PLCE1: variants seen among roughly 807,000 people sequenced by gnomAD.
The protein encoded by PLCE1 is 1-phosphatidylinositol 4,5-bisphosphate phosphodiesterase epsilon-1.
In PLCE1, 119 loss-of-function variants were observed where a neutral mutation model predicts 242.8. The observed-to-expected ratio is 0.49, with a 90% CI of 0.42 to 0.57. The LOEUF is 0.57. PLCE1 is among the 20% of genes least tolerant of loss of function. PLCE1 has a pLI of 0.00. For synonymous variants in PLCE1, 945 were observed against 1,017.4 expected (o/e 0.93, Z 1.35); for missense variants, 2,441 against 2,788.8 (o/e 0.88, Z 2.81).
In PLCE1 at chr10:94,205,523, T is replaced by C. The variant is rs141500237; in HGVS notation, c.1810-21783T>C. On this transcript the variant is annotated intron_variant, in intron 4 of 32. Transcript: ENST00000371380. ...TTAGACATTGCTCTACAAATATTCA[T>C]TGAATGACTAAATAAATAGAACATG... is the stretch of plus-strand genomic sequence containing the variant. Among the ~76,000 whole-genome samples, 637 of 152,308 alleles carry C rather than the reference T, an allele frequency of 4.2e-3. 9 individuals are homozygous for C. The highest frequency in any genetic ancestry group is 0.015 in the African/African-American group (609 of 41,548).
chr10:94,164,374 A>G (rs184936285), intron 3 of PLCE1, among the ~76,000 whole-genome samples: 1 of 152,038 alleles, frequency 6.6e-6, no homozygotes, highest in East Asian at 1.9e-4. Context: ...TTTCTCTGAA[A>G]TTCTCTTCTC....
chr10:94,034,576 C>T (rs984067538), intron 2 of PLCE1, among the ~76,000 whole-genome samples: 6 of 152,256 alleles, frequency 3.9e-5, no homozygotes, highest in Non-Finnish European at 7.4e-5. Flanking sequence ...TTTAAAAGAA[C>T]GGAAGAATTC....
intron 8 of PLCE1, among the ~76,000 whole-genome samples, chr10:94,251,615 C>T (rs771840663): frequency 1.3e-5 from 2 of 152,004 alleles, no homozygotes; most frequent in Non-Finnish European, 2.9e-5. Context: ...TTAATAGATC[C>T]CTGCTGTTAC....
intron 5 of PLCE1, among the ~76,000 whole-genome samples, chr10:94,233,478 T>A (rs2050211605): frequency 6.6e-6 from 1 of 152,212 alleles, no homozygotes; most frequent in Non-Finnish European, 1.5e-5. Context: ...TGGCCATAGC[T>A]GCCAGAAAAA....
At position 94,328,687 on chromosome 10, in the gene PLCE1, A is replaced by G. The variant is rs562070157; in HGVS notation, c.*744A>G. 4 of 152,370 alleles carry G rather than the reference A, an allele frequency of 2.6e-5. No homozygotes were observed. Among genetic ancestry groups the G allele is most frequent in the African/African-American group, 7.2e-5 (3 of 41,590 alleles). 9.4% of individuals were successfully genotyped at this position (152,370 alleles called of 1,614,324 possible). A position where few individuals can be genotyped will look rare whatever the true frequency, so the allele number is the denominator to read the frequency against. On this transcript the variant is annotated 3_prime_UTR_variant, in exon 33 of 33. Coordinates refer to ENST00000371380, the MANE Select transcript of PLCE1 (RefSeq NM_016341.4). ...TTCAAGTGTAAATATGTCCTATAAC[A>G]TAAGAGTCATTAAAATTCAATTTAG...
chr10:94,042,662 C>A (rs1009276299), intron 2 of PLCE1, among the ~76,000 whole-genome samples: 2 of 152,092 alleles, frequency 1.3e-5, no homozygotes, highest in African/African-American at 4.8e-5. Context: ...GGGAACAATA[C>A]CAATTCTTAA....
chr10:94,326,361 CAT>C (rs1299761148), intron 32 of PLCE1, among the ~76,000 whole-genome samples: 1 of 152,204 alleles, frequency 6.6e-6, no homozygotes, highest in Non-Finnish European at 1.5e-5. Flanking sequence ...ACATTGAGAT[CAT>C]GTTTCCACAT....
chr10:94,102,062 C>T (rs1166685405), intron 2 of PLCE1, among the ~76,000 whole-genome samples: 5 of 152,136 alleles, frequency 3.3e-5, no homozygotes, highest in African/African-American at 1.2e-4. Flanking sequence ...GGTTTTTTCT[C>T]CTTGGCATTA....
At chr10:94,264,264 A>T (rs768369694) in intron 14 of PLCE1, among the ~76,000 whole-genome samples, 4 of 152,078 alleles carry the variant, frequency 2.6e-5, no homozygotes, top group Non-Finnish European at 5.9e-5. Flanking sequence ...CTCGGGAAAG[A>T]GCATTCCCCA....
At chr10:94,024,196 C>A (rs557819782) in intron 1 of PLCE1, among the ~76,000 whole-genome samples, 1 of 152,194 alleles carries the variant, frequency 6.6e-6, no homozygotes, top group South Asian at 2.1e-4. Context: ...GCTGAGTGGG[C>A]CTTGGGGAAG....
At chr10:94,299,940 A>T (rs755375290) in intron 24 of PLCE1, among the ~76,000 whole-genome samples, 1 of 152,282 alleles carries the variant, frequency 6.6e-6, no homozygotes, top group Non-Finnish European at 1.5e-5. Context: ...TTATGAAAAC[A>T]GTATGATTTG....
chr10:94,249,285 A>G (rs1240169958), intron 8 of PLCE1, among the ~76,000 whole-genome samples: 1 of 152,196 alleles, frequency 6.6e-6, no homozygotes, highest in Non-Finnish European at 1.5e-5. Flanking sequence ...CCAGTTCCCA[A>G]ACTGACTCAG....
chr10:94,220,020 G>T (rs1564799787), intron 4 of PLCE1, among the ~76,000 whole-genome samples: 1 of 151,914 alleles, frequency 6.6e-6, no homozygotes. Flanking sequence ...GAGTTCAAGA[G>T]ACTCTTCTGC....
intron 2 of PLCE1, among the ~76,000 whole-genome samples, chr10:94,112,820 C>T (rs557527814): frequency 6.6e-6 from 1 of 152,288 alleles, no homozygotes; most frequent in Non-Finnish European, 1.5e-5. Flanking sequence ...TTGTTCCTCA[C>T]CTACTTCTCT....
At chr10:94,313,953 T>A (rs2053478817) in intron 28 of PLCE1, among the ~76,000 whole-genome samples, 1 of 152,096 alleles carries the variant, frequency 6.6e-6, no homozygotes, top group Non-Finnish European at 1.5e-5. Context: ...GCATTTGAGG[T>A]CCTCTCCTTT....
chr10:94,073,689 A>T (rs1300023494), intron 2 of PLCE1, among the ~76,000 whole-genome samples: 2 of 152,206 alleles, frequency 1.3e-5, no homozygotes, highest in Non-Finnish European at 2.9e-5. Context: ...GGCAGATGCT[A>T]CTAATCATGA....
At position 94,066,985 on chromosome 10, in the gene PLCE1, A is replaced by G. The variant is rs566603027; in HGVS notation, c.1206+34733A>G. ...CCTATTTCCAGGGGGAATTGAGGTT[A>G]CAAAGTGTGAATTCCTTCAACTTCC... On this transcript the variant is annotated intron_variant, in intron 2 of 32. Transcript: ENST00000371380. 2.0e-5 allele frequency among the ~76,000 whole-genome samples: 3 copies of G among 152,308 alleles called. No homozygotes were observed. The East Asian group carries it at 5.8e-4, about 29-fold the overall frequency.
chr10:94,110,531 C>T (rs1468567067), intron 2 of PLCE1, among the ~76,000 whole-genome samples: 2 of 152,130 alleles, frequency 1.3e-5, no homozygotes, highest in African/African-American at 4.8e-5. Context: ...GAGGAGGAAT[C>T]TCACATAGAA....
intron 2 of PLCE1, chr10:94,094,735 C>T (rs1280179811): frequency 2.0e-5 from 3 of 152,106 alleles, no homozygotes; most frequent in Admixed American, 6.5e-5. Context: ...GTTTCACACC[C>T]GGCATCTGAC....
Sources: allele counts gnomAD v4.1 joint callset (sites outside exome capture counted in the v4.1 genomes callset), GRCh38; gene constraint gnomAD v4.1.1; transcripts MANE v1.5; gene names NCBI Gene and HGNC (gene_info 2026-07-23, HGNC 2026-07-21).